MYBPC2: variants seen among roughly 807,000 people sequenced by gnomAD.
MYBPC2 encodes myosin-binding protein C, fast-type.
A neutral mutation model predicts 137.0 loss-of-function variants in MYBPC2; 122 were observed. The ratio of observed to expected loss-of-function variants is 0.89; its 90% confidence interval spans 0.77 to 1.03. The LOEUF (loss-of-function observed/expected upper bound fraction) is 1.03, where lower values mean the gene tolerates loss of function less well. Among genes scored for constraint, MYBPC2 ranks in the 50% least tolerant of loss-of-function variants. The pLI, the probability that MYBPC2 is intolerant of heterozygous loss-of-function variation, is 0.00. For synonymous variants in MYBPC2, 626 were observed against 612.3 expected (o/e 1.02, Z -0.33); for missense variants, 1,500 against 1,534.4 (o/e 0.98, Z 0.37).
At chr19:50,456,495 C>T (rs899542652) in intron 20 of MYBPC2, among the ~76,000 whole-genome samples, 29 of 149,492 alleles carry the variant, frequency 1.9e-4, no homozygotes, top group African/African-American at 6.2e-4. Context: ...TGCAGTGGCA[C>T]GATTGGCTCA....
In MYBPC2 at chr19:50,445,905, C is replaced by T. The variant is rs182676965; in HGVS notation, c.1159C>T (p.Arg387Trp). ...GATGAAAGATGGTGTGGAACTGACT[C>T]GGGAGGATTCCTTCAAGGCCCGGTA... ...MWMKDGVELT[R>W]EDSFKARYRF... Residue 387 changes from arginine (R) to tryptophan (W), a missense_variant, in exon 12 of 28, where the codon CGG (arginine) becomes TGG (tryptophan). Transcript: ENST00000357701. The T allele has an allele frequency of 2.7e-5, 43 of 1,608,700 alleles. No individual in the cohort carries two copies. Among genetic ancestry groups the T allele is most frequent in the Non-Finnish European group, 3.4e-5 (40 of 1,177,626 alleles).
chr19:50,456,401 CATCT>C (rs1308950672), intron 20 of MYBPC2, among the ~76,000 whole-genome samples: 2 of 104,224 alleles, frequency 1.9e-5, no homozygotes, highest in South Asian at 2.8e-4. Flanking sequence ...TCCATCCATC[CATCT>C]GTCCATATTT....
At chr19:50,448,413 G>A (rs543609862) in intron 13 of MYBPC2, 23 bp downstream of exon 13, 1 of 1,611,562 alleles carries the variant, frequency 6.2e-7, no homozygotes, top group African/African-American at 1.3e-5. Context: ...CTGCAGAAGT[G>A]GCTGGGGGTA....
At position 50,459,246 on chromosome 19, in the gene MYBPC2, G is replaced by C; in HGVS notation, c.2731G>C (p.Glu911Gln). The change falls in exon 23 of 28, where the codon GAG becomes CAG. Residue 911 changes from glutamate (E) to glutamine (Q), a missense_variant. Transcript: ENST00000357701. ...GGCCCGCTCCGACTCCGGGGAGTAC[G>C]AGCTGAGCGTGCAGATCGAGAACAT... ...QAARSDSGEY[E>Q]LSVQIENMKD... 1.2e-6 allele frequency: 2 copies of C among 1,611,432 alleles called. No individual in the cohort carries two copies. Among genetic ancestry groups the C allele is most frequent in the Non-Finnish European group, 1.7e-6 (2 of 1,179,548 alleles).
At chr19:50,461,792 G>A (rs1206156443) in intron 25 of MYBPC2, 91 bp downstream of exon 25, 2 of 1,588,882 alleles carry the variant, frequency 1.3e-6, no homozygotes, top group African/African-American at 1.3e-5. Context: ...TCCCCACTGG[G>A]GTTGACGGCA....
At position 50,446,136 on chromosome 19, in the gene MYBPC2, A is replaced by C. The variant is rs1601287203; in HGVS notation, c.1306+84A>C. The C allele has an allele frequency of 3.4e-6, 5 of 1,460,266 alleles. No homozygotes were observed. The South Asian group carries it at 6.6e-5, about 19-fold the overall frequency. 90.5% of individuals were successfully genotyped at this position (1,460,266 alleles called of 1,614,324 possible). A position where few individuals can be genotyped will look rare whatever the true frequency, so the allele number is the denominator to read the frequency against. On this transcript the variant is annotated intron_variant, in intron 12 of 27. Coordinates refer to ENST00000357701, the MANE Select transcript of MYBPC2 (RefSeq NM_004533.4). ...AGGTTGCTCAGGCCCCCCAGTCTGG[A>C]AGTTGTTCCTGACTCCTCTCTTTCC...
rs934092377 is a variant in MYBPC2 at position 50,465,164 on chromosome 19, G to A, written c.3415+632G>A. Among the ~76,000 whole-genome samples, 21 of 152,026 alleles carry A rather than the reference G, an allele frequency of 1.4e-4. No individual in the cohort carries two copies. Among genetic ancestry groups the A allele is most frequent in the Admixed American group, 9.8e-4 (15 of 15,272 alleles). ...GCCCCAGCCCTGATCCCAGCCCGCT[G>A]GGGACTCCCCACCGCCCCAGCGCCC... On this transcript the variant is annotated intron_variant, in intron 27 of 27. Coordinates refer to ENST00000357701, the MANE Select transcript of MYBPC2 (RefSeq NM_004533.4). The surrounding 1 kb of genome is among the most constrained non-coding windows in gnomAD (Gnocchi z 4.5).
At chr19:50,454,481 A>G in intron 18 of MYBPC2, 112 bp downstream of exon 18, 2 of 934,702 alleles carry the variant, frequency 2.1e-6, no homozygotes, top group Non-Finnish European at 1.5e-6. Flanking sequence ...GCTGGAGTGC[A>G]GTGGCTCAAT....
At chr19:50,452,484 GTA>G (rs2039868833) in intron 16 of MYBPC2, among the ~76,000 whole-genome samples, 3 of 99,506 alleles carry the variant, frequency 3.0e-5, no homozygotes, top group African/African-American at 1.3e-4. Flanking sequence ...ATGTATGTAT[GTA>G]TGTATGTATG....
chr19:50,444,289 TTCATCCATCCATC>T (rs2039783719), intron 11 of MYBPC2, among the ~76,000 whole-genome samples: 2 of 76,124 alleles, frequency 2.6e-5, no homozygotes, highest in African/African-American at 8.4e-5. Flanking sequence ...TGTCCATCCA[TTCATCCATCCATC>T]CATCCATCCA....
rs946398001 is a variant in MYBPC2, at chr19:50,442,403, G to C, written c.902+90G>C. 4.0e-6 allele frequency: 6 copies of C among 1,509,954 alleles called. No homozygotes were observed. In the African/African-American group the frequency reaches 6.9e-5, roughly 17 times the overall value. The allele number at this position is 1,509,954 out of a possible 1,614,324, so 93.5% of individuals were successfully genotyped here. On this transcript the variant is annotated intron_variant, in intron 9 of 27. Transcript: ENST00000357701. The stretch of plus-strand genomic sequence containing the variant: ...AAGGCCTATCACTCTTAACCAGAAA[G>C]GGCATATTCACCCCTATATGAAGAG...
chr19:50,459,286 C>A lies in MYBPC2; in HGVS notation c.2771C>A (p.Thr924Asn). 6.2e-7 allele frequency: 1 copy of A among 1,606,788 alleles called. No homozygotes were observed. Among genetic ancestry groups the A allele is most frequent in the Non-Finnish European group, 8.5e-7 (1 of 1,177,046 alleles). ...VQIENMKDTATIRIRVVEKAG... is the reference protein window; with the variant it reads ...VQIENMKDTANIRIRVVEKAG... ...ATCGAGAACATGAAGGACACCGCCA[C>A]CATCCGCATCCGCGTTGTGGGTGCG... The change falls in exon 23 of 28, where the codon ACC (threonine) becomes AAC (asparagine). Residue 924 changes from threonine to asparagine, a missense_variant. Physicochemically the swap from Thr to Asn is moderately conservative, Grantham distance 65. Coordinates refer to ENST00000357701, the MANE Select transcript of MYBPC2 (RefSeq NM_004533.4).
rs749455078 is a variant in MYBPC2, at chr19:50,459,017, CG to C, written c.2595+15del. 131 of 1,602,260 alleles carry C rather than the reference CG, an allele frequency of 8.2e-5. No individual in the cohort carries two copies. The highest frequency in any genetic ancestry group is 8.4e-5 in the Non-Finnish European group (99 of 1,175,260). ...GTCGTCCCCTTCCAGGTCAGGGGAG[CG>C]GGGTCACGGGCCGGGGGTCCGCTCT... On this transcript the variant is annotated intron_variant, in intron 22 of 27. Coordinates refer to ENST00000357701, the MANE Select transcript of MYBPC2 (RefSeq NM_004533.4).
At chr19:50,454,742 C>T (rs1463874928) in intron 18 of MYBPC2, among the ~76,000 whole-genome samples, 1 of 151,978 alleles carries the variant, frequency 6.6e-6, no homozygotes, top group African/African-American at 2.4e-5. Flanking sequence ...TCTCCTTGAC[C>T]TCCCAGAGCC....
At chr19:50,455,423 C>A in intron 19 of MYBPC2, 87 bp from the exon 20 acceptor site, 1 of 1,566,220 alleles carries the variant, frequency 6.4e-7, no homozygotes, top group South Asian at 1.2e-5. Flanking sequence ...GCCTTCTGAC[C>A]AATCATTCTA....
chr19:50,459,308 T>C lies in MYBPC2; in HGVS notation c.2791+2T>C. The C allele has an allele frequency of 1.9e-6, 3 of 1,555,158 alleles. No homozygotes were observed. In the African/African-American group the frequency reaches 4.5e-5, roughly 23 times the overall value. On this transcript the variant is annotated splice_donor_variant, in intron 23 of 27. Coordinates refer to ENST00000357701, the MANE Select transcript of MYBPC2 (RefSeq NM_004533.4). LOFTEE classifies it high-confidence loss of function. ...CCACCATCCGCATCCGCGTTGTGGG[T>C]GCGCGCGCTGGGGAGGGCCCCTGGA...
At chr19:50,445,830 C>A in intron 11 of MYBPC2, 50 bp from the exon 12 acceptor site, 1 of 1,533,218 alleles carries the variant, frequency 6.5e-7, no homozygotes, top group South Asian at 1.2e-5. Flanking sequence ...AGACCCAGAC[C>A]GAGAGCTGTG....
chr19:50,437,790 G>A, intron 7 of MYBPC2, 72 bp downstream of exon 7: 1 of 1,494,588 alleles, frequency 6.7e-7, no homozygotes, highest in Non-Finnish European at 9.1e-7. Flanking sequence ...AAGCTCCATG[G>A]CCCACTGATT....
At chr19:50,451,154 C>A in intron 14 of MYBPC2, 126 bp from the exon 15 acceptor site, 2 of 1,251,960 alleles carry the variant, frequency 1.6e-6, no homozygotes, top group Non-Finnish European at 2.3e-6. Context: ...GGGCCTGAAC[C>A]TGTCTCCAGC....
Sources: allele counts gnomAD v4.1 joint callset (sites outside exome capture counted in the v4.1 genomes callset), GRCh38; gene constraint gnomAD v4.1.1; non-coding constraint Gnocchi (gnomAD v3.1); transcripts MANE v1.5; gene names NCBI Gene and HGNC (gene_info 2026-07-23, HGNC 2026-07-21).